Variants in EMC1 observed in about 807,000 individuals in gnomAD.
EMC1 encodes the protein KIAA0090.
EMC1 carries 103 observed loss-of-function variants against 128.8 expected under a neutral mutation model. The observed-to-expected ratio is 0.80, with a 90% CI of 0.68 to 0.94. EMC1 has a LOEUF of 0.94. Among genes scored for constraint, EMC1 ranks in the 40% least tolerant of loss-of-function variants. The probability of loss-of-function intolerance (pLI) is 0.00; values close to 1 mark genes in which losing one functional copy is unlikely to be tolerated. For synonymous variants in EMC1, 442 were observed against 490.4 expected, an observed-to-expected ratio of 0.90 and a Z score of 1.30; for missense variants, 1,083 against 1,250.6, an observed-to-expected ratio of 0.87 and a Z score of 2.02.
chr1:19,238,979 T>C (rs2093586789), intron 9 of EMC1, 122 bp from the exon 10 acceptor site: 2 of 800,568 alleles, frequency 2.5e-6, no homozygotes, highest in South Asian at 1.6e-5. Flanking sequence ...TTCTCACCCC[T>C]GCCCACAAAG....
Position 19,232,768 on chromosome 1 carries a change from A to G in EMC1, c.1638T>C (p.Phe546=), listed in dbSNP as rs1398023139. 1 of 1,614,098 alleles carries G rather than the reference A, an allele frequency of 6.2e-7. No individual in the cohort carries two copies. The highest frequency in any genetic ancestry group is 2.2e-5 in the East Asian group (1 of 44,890). ...TGGTGCCAGAGCTGCTCTCAATGCC[A>G]AAAAGCTGCAAGATAAACAAATACT... ...MVMVTASGKL[F]GIESSSGTIL... is the part of the protein sequence containing the mutation. The change falls in exon 15 of 23, where the codon TTT becomes TTC. Residue 546 remains phenylalanine, a synonymous_variant. Transcript: ENST00000477853.
intron 20 of EMC1, 44 bp from the exon 21 acceptor site, chr1:19,220,892 C>T (rs1289143938): frequency 7.1e-7 from 1 of 1,401,596 alleles, no homozygotes; most frequent in South Asian, 1.2e-5. Flanking sequence ...CAGTGTCCAG[C>T]AAGGGCCAGT....
intron 20 of EMC1, 163 bp from the exon 21 acceptor site, chr1:19,221,011 G>A (rs2093427217): frequency 1.9e-6 from 1 of 513,164 alleles, no homozygotes; most frequent in Non-Finnish European, 3.6e-6. Context: ...ATACGCATGG[G>A]TCTGAATGAA....
chr1:19,228,295 A>C (rs1327122505), intron 17 of EMC1, among the ~76,000 whole-genome samples: 1 of 152,138 alleles, frequency 6.6e-6, no homozygotes, highest in Admixed American at 6.6e-5. Flanking sequence ...GGAAATATGC[A>C]AGGAAAATTT....
intron 7 of EMC1, 99 bp downstream of exon 7, chr1:19,240,198 G>T: frequency 6.8e-7 from 1 of 1,476,322 alleles, no homozygotes; most frequent in Non-Finnish European, 9.3e-7. Flanking sequence ...CACTGCTCAG[G>T]AAGAGTCTAG....
Position 19,220,843 on chromosome 1 carries a change from G to A in EMC1, c.2593C>T (p.Leu865=). 6.2e-7 allele frequency: 1 copy of A among 1,612,588 alleles called. No individual in the cohort carries two copies. ...GITSRHLLIG[L]PSGAILSLPK... ...AGGGAAAGAATTGCTCCAGAAGGTA[G>A]TCCAACTACACAGGAGGAAGTGAAT... Residue 865 remains leucine, a synonymous_variant, in exon 21 of 23, where the codon CTA becomes TTA. Transcript: ENST00000477853.
At chr1:19,227,041 CA>C (rs895983536) in intron 18 of EMC1, among the ~76,000 whole-genome samples, 2 of 150,226 alleles carry the variant, frequency 1.3e-5, no homozygotes, top group South Asian at 4.2e-4. Context: ...AACAAACAAA[CA>C]AAAAAAAAGT....
intron 17 of EMC1, 31 bp downstream of exon 17, chr1:19,230,813 C>T: frequency 6.2e-7 from 1 of 1,613,244 alleles, no homozygotes; most frequent in Non-Finnish European, 8.5e-7. Flanking sequence ...ATCTCATCCA[C>T]AAAGGGTTGT....
At chr1:19,231,788 TTC>T (rs2093524439) in intron 15 of EMC1, among the ~76,000 whole-genome samples, 1 of 152,082 alleles carries the variant, frequency 6.6e-6, no homozygotes, top group African/African-American at 2.4e-5. Flanking sequence ...ACGTGGCTAA[TTC>T]TGTTTTTATT....
intron 1 of EMC1, 115 bp downstream of exon 1, chr1:19,251,300 A>C: frequency 1.0e-6 from 1 of 973,838 alleles, no homozygotes; most frequent in South Asian, 1.4e-5. Context: ...TTCATTTTGT[A>C]CTGGGTCCTG....
chr1:19,234,053 T>G (rs2151950981), intron 13 of EMC1: 1 of 277,260 alleles, frequency 3.6e-6, no homozygotes, highest in East Asian at 1.8e-4. Flanking sequence ...AGCATGGCAG[T>G]CAACACACAC....
At position 19,237,169 on chromosome 1, in the gene EMC1, G is replaced by A. The variant is rs750456353; in HGVS notation, c.1282C>T (p.His428Tyr). The change falls in exon 12 of 23, where the codon CAT becomes TAT. Residue 428 changes from histidine (H) to tyrosine (Y), a missense_variant. Physicochemically the swap from His to Tyr is moderately conservative, Grantham distance 83. Around this residue, in one of 3 missense-constraint regions of EMC1, gnomAD observed 544 missense variants for 572.4 expected, o/e 0.95. Coordinates refer to ENST00000477853, the MANE Select transcript of EMC1 (RefSeq NM_015047.3). The part of the protein sequence containing the change: ...GYRALVQTED[H>Y]LLLFLQQLAG... ...AACTGCTGCAGGAAAAGTAGCAGAT[G>A]ATCCTCTGTCTGCACCAAAGCCCGG... 6.2e-7 allele frequency: 1 copy of A among 1,613,796 alleles called. No individual in the cohort carries two copies. Among genetic ancestry groups the A allele is most frequent in the South Asian group, 1.1e-5 (1 of 91,066 alleles).
intron 13 of EMC1, 120 bp downstream of exon 13, chr1:19,235,010 G>A: frequency 1.7e-6 from 2 of 1,207,174 alleles, no homozygotes; most frequent in Non-Finnish European, 2.3e-6. Context: ...AGCTCATTCA[G>A]AAAAGACTAG....
intron 13 of EMC1, among the ~76,000 whole-genome samples, chr1:19,234,714 C>T (rs564219301): frequency 2.0e-5 from 3 of 152,162 alleles, no homozygotes; most frequent in South Asian, 2.1e-4. Context: ...GGCATGGTGG[C>T]GCATGCCTGT....
Position 19,230,909 on chromosome 1 carries a change from G to A in EMC1, c.1999C>T (p.Pro667Ser), listed in dbSNP as rs763793904. Residue 667 changes from proline to serine, a missense_variant, in exon 17 of 23, where the codon CCT (proline) becomes TCT (serine). Coordinates refer to ENST00000477853, the MANE Select transcript of EMC1 (RefSeq NM_015047.3). ...NVLRQLHELAPSIFFYLVDAE... is the reference protein window; with the variant it reads ...NVLRQLHELASSIFFYLVDAE... ...TCCACCAAATAGAAGAAGATGGAAG[G>A]GGCAAGCTCATGTAGCTGTCGCAAG... The A allele has an allele frequency of 2.0e-5, 33 of 1,614,090 alleles. No homozygotes were observed. Among genetic ancestry groups the A allele is most frequent in the African/African-American group, 2.7e-5 (2 of 74,938 alleles).
rs773523859 is a variant in EMC1 at position 19,233,032 on chromosome 1, G to A, written c.1536C>T (p.Pro512=). 1 of 1,614,096 alleles carries A rather than the reference G, an allele frequency of 6.2e-7. No homozygotes were observed. Among genetic ancestry groups the A allele is most frequent in the East Asian group, 2.2e-5 (1 of 44,876 alleles). Residue 512 remains proline, a synonymous_variant, in exon 14 of 23, where the codon CCC becomes CCT. Coordinates refer to ENST00000477853, the MANE Select transcript of EMC1 (RefSeq NM_015047.3). ...TGATCTCATTCTTAATCTGACTCCG[G>A]GGCTTCCGAGCATCATAAAACATTT... The part of the protein sequence containing the change: ...LWKMFYDARK[P]RSQIKNEINI...
chr1:19,243,720 A>G lies in EMC1; in HGVS notation c.287-13T>C, dbSNP rs754832850. 5.6e-6 allele frequency: 9 copies of G among 1,613,568 alleles called. No individual in the cohort carries two copies. In the African/African-American group the frequency reaches 1.2e-4, roughly 22 times the overall value. Reference sequence around the variant, plus strand: ...ACAGTGATCACATCTGGAAAAGAAAAGATCGTGGTGAAGTCATTTCCCACT... The same window carrying G: ...ACAGTGATCACATCTGGAAAAGAAAGGATCGTGGTGAAGTCATTTCCCACT... On this transcript the variant is annotated splice_polypyrimidine_tract_variant and intron_variant, in intron 3 of 22. Coordinates refer to ENST00000477853, the MANE Select transcript of EMC1 (RefSeq NM_015047.3).
chr1:19,240,819 C>T, intron 6 of EMC1, 197 bp downstream of exon 6: 2 of 635,786 alleles, frequency 3.1e-6, no homozygotes, highest in South Asian at 4.0e-5. Flanking sequence ...TTTTAGCCAC[C>T]CCAGAAGATA....
intron 9 of EMC1, 82 bp from the exon 10 acceptor site, chr1:19,238,939 T>C (rs2093586468): frequency 9.7e-7 from 1 of 1,027,390 alleles, no homozygotes; most frequent in African/African-American, 1.6e-5. Flanking sequence ...GTTTTTGTCT[T>C]CTTAGCACTT....
Sources: gnomAD v4.1 joint callset for allele counts (sites outside exome capture counted in the v4.1 genomes callset) on GRCh38, gnomAD v4.1.1 for gene constraint, gnomAD v4.1.1 regional missense constraint, MANE v1.5 for transcripts, NCBI Gene and HGNC (gene_info 2026-07-23, HGNC 2026-07-21) for gene names.